USP12: variants seen among roughly 807,000 people sequenced by gnomAD.
USP12 encodes the protein ubiquitin carboxyl-terminal hydrolase 12.
USP12 carries 19 observed loss-of-function variants against 45.5 expected under a neutral mutation model. The ratio of observed to expected loss-of-function variants is 0.42; its 90% CI spans 0.29 to 0.61. The LOEUF (loss-of-function observed/expected upper bound fraction) is 0.61. USP12 is among the 20% of genes least tolerant of loss of function. The probability of loss-of-function intolerance (pLI) is 0.22; values close to 1 mark genes in which losing one functional copy is unlikely to be tolerated. For missense variants in USP12, 242 were observed against 447.7 expected (o/e 0.54, Z 4.15); for synonymous variants, 149 against 148.8 (o/e 1.00, Z -0.01).
chr13:27,170,394 G>GAAA (rs1346424420), intron 1 of USP12: 1 of 398,358 alleles, frequency 2.5e-6, no homozygotes, highest in Non-Finnish European at 4.4e-6. Flanking sequence ...TCTCCTATAT[G>GAAA]AAATCAGTTG....
chr13:27,171,659 A>T lies in USP12; in HGVS notation c.-20T>A. ...TTCCATCCGGCCAGCGCCATCTTCCACCCAATCACAGCGGCGGCGGCGGGC... is the reference window on the plus strand; with the variant it reads ...TTCCATCCGGCCAGCGCCATCTTCCTCCCAATCACAGCGGCGGCGGCGGGC... On this transcript the variant is annotated 5_prime_UTR_variant, in exon 1 of 9. Coordinates refer to ENST00000282344, the MANE Select transcript of USP12 (RefSeq NM_182488.4). 8.8e-6 allele frequency: 11 copies of T among 1,256,000 alleles called. No homozygotes were observed. Among genetic ancestry groups the T allele is most frequent in the African/African-American group, 1.6e-5 (1 of 61,616 alleles). 77.8% of individuals were successfully genotyped at this position (1,256,000 alleles called of 1,614,324 possible). A position where few individuals can be genotyped will look rare whatever the true frequency, so the allele number is the denominator to read the frequency against.
chr13:27,094,963 C>A (rs1874503142), intron 4 of USP12, among the ~76,000 whole-genome samples: 1 of 137,456 alleles, frequency 7.3e-6, no homozygotes, highest in Admixed American at 7.0e-5. Context: ...GCCTGAGCAA[C>A]ACAGTAAGAC....
chr13:27,096,561 A>T (rs1248925730), intron 3 of USP12, among the ~76,000 whole-genome samples: 1 of 152,224 alleles, frequency 6.6e-6, no homozygotes, highest in Non-Finnish European at 1.5e-5. Context: ...AGGACTTTAG[A>T]GGCAGTATCT....
At position 27,160,669 on chromosome 13, in the gene USP12, C is replaced by G. The variant is rs1014208743; in HGVS notation, c.48+10923G>C. Among the ~76,000 whole-genome samples the G allele has an allele frequency of 2.0e-5, 3 of 152,072 alleles. No individual in the cohort carries two copies. In the East Asian group the frequency reaches 5.8e-4, roughly 29 times the overall value. ...CTTTACATAAAAACCCTGAGCACATCAGTCTGAAGAAATTATCAGCTTTAA... is the reference window on the plus strand; with the variant it reads ...CTTTACATAAAAACCCTGAGCACATGAGTCTGAAGAAATTATCAGCTTTAA... On this transcript the variant is annotated intron_variant, in intron 1 of 8. Transcript: ENST00000282344.
intron 1 of USP12, among the ~76,000 whole-genome samples, chr13:27,131,567 T>C (rs1876504210): frequency 6.6e-6 from 1 of 152,232 alleles, no homozygotes; most frequent in Non-Finnish European, 1.5e-5. Flanking sequence ...CACTTGGTTT[T>C]GAAAGCCACT....
intron 3 of USP12, among the ~76,000 whole-genome samples, chr13:27,104,793 G>C (rs920693318): frequency 1.3e-5 from 2 of 152,162 alleles, no homozygotes; most frequent in African/African-American, 4.8e-5. Context: ...TTACGCAATA[G>C]GGTATTTAAT....
At chr13:27,087,264 T>C (rs1565985059) in intron 6 of USP12, among the ~76,000 whole-genome samples, 1 of 11,660 alleles carries the variant, frequency 8.6e-5, no homozygotes, top group Non-Finnish European at 3.2e-4. Context: ...TGTGTGTGTG[T>C]GTGTGTGTGT....
intron 2 of USP12, among the ~76,000 whole-genome samples, chr13:27,115,961 C>A (rs1010482632): frequency 3.3e-5 from 5 of 152,134 alleles, no homozygotes; most frequent in Non-Finnish European, 5.9e-5. Flanking sequence ...AAATTTCTGA[C>A]AAAATAGGGA....
chr13:27,166,622 T>C (rs529094379), intron 1 of USP12, among the ~76,000 whole-genome samples: 1 of 152,178 alleles, frequency 6.6e-6, no homozygotes, highest in Non-Finnish European at 1.5e-5. Flanking sequence ...AGCAAAGCCA[T>C]ATGATATAAA....
chr13:27,168,871 G>A (rs1878462492), intron 1 of USP12: 1 of 152,118 alleles, frequency 6.6e-6, no homozygotes. Context: ...TTTGACAAAT[G>A]AAAAAATTAT....
chr13:27,144,002 G>A (rs1341409554), intron 1 of USP12, among the ~76,000 whole-genome samples: 12 of 152,248 alleles, frequency 7.9e-5, no homozygotes, highest in African/African-American at 2.9e-4. Context: ...TCAGGAGTTC[G>A]AGACCAGCCT....
intron 1 of USP12, among the ~76,000 whole-genome samples, chr13:27,141,352 A>G (rs1281794449): frequency 6.6e-6 from 1 of 152,138 alleles, no homozygotes; most frequent in Non-Finnish European, 1.5e-5. Context: ...TGCTATGTCC[A>G]CTAAAAGGAA....
At chr13:27,139,329 C>T (rs1490835279) in intron 1 of USP12, among the ~76,000 whole-genome samples, 1 of 152,178 alleles carries the variant, frequency 6.6e-6, no homozygotes, top group Non-Finnish European at 1.5e-5. Context: ...AAAATAGTCA[C>T]TCTTGGCTGG....
rs1019609506 is a variant in USP12, at chr13:27,068,011, G to A, written c.*1272C>T. The A allele has an allele frequency of 1.3e-5, 2 of 152,146 alleles. No individual in the cohort carries two copies. Among genetic ancestry groups the A allele is most frequent in the Non-Finnish European group, 2.9e-5 (2 of 68,030 alleles). 9.4% of individuals were successfully genotyped at this position (152,146 alleles called of 1,614,324 possible). A position where few individuals can be genotyped will look rare whatever the true frequency, so the allele number is the denominator to read the frequency against. On this transcript the variant is annotated 3_prime_UTR_variant, in exon 9 of 9. Transcript: ENST00000282344. The stretch of plus-strand genomic sequence containing the variant: ...CACCCTTCCAGTAAGATTTGTAAAG[G>A]TGGGGGGAAGGGAAGGAAGGACTTG...
At chr13:27,082,960 C>G (rs1258417328) in intron 6 of USP12, among the ~76,000 whole-genome samples, 1 of 152,312 alleles carries the variant, frequency 6.6e-6, no homozygotes, top group African/African-American at 2.4e-5. Flanking sequence ...CTCAGCCTCC[C>G]GAGTTGCTGG....
At chr13:27,072,049 T>C (rs1873266449) in intron 7 of USP12, among the ~76,000 whole-genome samples, 1 of 152,190 alleles carries the variant, frequency 6.6e-6, no homozygotes. Flanking sequence ...TCTCAGATCA[T>C]TTGATCCTGT....
At position 27,129,152 on chromosome 13, in the gene USP12, TACC is replaced by T. The variant is rs1876377283; in HGVS notation, c.49-12559_49-12557del. Reference sequence around the variant, plus strand: ...CTATCTAGAAAGAGTTCTTCATTCTTACCACAATAAGAAAGTGACCTGTAGCTC... The same window carrying T: ...CTATCTAGAAAGAGTTCTTCATTCTTACAATAAGAAAGTGACCTGTAGCTC... On this transcript the variant is annotated intron_variant, in intron 1 of 8. Coordinates refer to ENST00000282344, the MANE Select transcript of USP12 (RefSeq NM_182488.4). The surrounding 1 kb of genome is among the most constrained non-coding windows in gnomAD (Gnocchi z 4.0). 1.8e-5 allele frequency among the ~76,000 whole-genome samples: 1 copy of T among 56,290 alleles called. No homozygotes were observed. Among genetic ancestry groups the T allele is most frequent in the African/African-American group, 3.1e-5 (1 of 32,686 alleles). The allele number at this position is 56,290 out of a possible 152,430, so 36.9% of individuals were successfully genotyped here. A position where few individuals can be genotyped will look rare whatever the true frequency, so the allele number is the denominator to read the frequency against.
At chr13:27,094,256 C>T (rs1874458456) in intron 4 of USP12, among the ~76,000 whole-genome samples, 1 of 150,826 alleles carries the variant, frequency 6.6e-6, no homozygotes, top group Admixed American at 6.6e-5. Flanking sequence ...GTAATCCCAA[C>T]ACTCTGGGAG....
chr13:27,073,489 T>C (rs1375715324), intron 7 of USP12, among the ~76,000 whole-genome samples: 1 of 151,898 alleles, frequency 6.6e-6, no homozygotes, highest in Non-Finnish European at 1.5e-5. Flanking sequence ...GACTTAAGGA[T>C]TTAAGGCTGG....
Sources: gnomAD v4.1 joint callset for allele counts (sites outside exome capture counted in the v4.1 genomes callset) on GRCh38, gnomAD v4.1.1 for gene constraint, Gnocchi (gnomAD v3.1) non-coding constraint, MANE v1.5 for transcripts, NCBI Gene and HGNC (gene_info 2026-07-23, HGNC 2026-07-21) for gene names.